The following TRPV6 variants were observed in gnomAD, a reference collection of about 807,000 sequenced individuals.
The protein encoded by TRPV6 is transient receptor potential cation channel subfamily V member 6, also known as Alu-binding protein with zinc finger domain.
In TRPV6, 39 loss-of-function variants were observed where a neutral mutation model predicts 79.0. The ratio of observed to expected loss-of-function variants is 0.49; its 90% CI spans 0.38 to 0.64. The LOEUF (loss-of-function observed/expected upper bound fraction) is 0.64. Ranked by LOEUF, TRPV6 falls within the 30% of genes least tolerant of loss-of-function variation. TRPV6 has a pLI of 0.00. For missense variants in TRPV6, 813 were observed against 1,011.1 expected, an observed-to-expected ratio of 0.80 and a Z score of 2.66; for synonymous variants, 373 against 391.9, an observed-to-expected ratio of 0.95 and a Z score of 0.57.
chr7:142,879,587 T>C (rs1795152874), intron 1 of TRPV6: 1 of 152,112 alleles, frequency 6.6e-6, no homozygotes, highest in Admixed American at 6.5e-5. Flanking sequence ...GAGCTGGAGG[T>C]GGGAGGGCAA....
At chr7:142,881,092 A>T (rs2116530093) in intron 1 of TRPV6, 1 of 152,290 alleles carries the variant, frequency 6.6e-6, no homozygotes, top group Admixed American at 6.5e-5. Flanking sequence ...ATATGCCCAC[A>T]AGGGGACAGC....
Position 142,876,705 on chromosome 7 carries a change from GCATCCCAGCTCCCCTCCC to G in TRPV6, c.706+16_706+33del. On this transcript the variant is annotated intron_variant, in intron 5 of 14. Transcript: ENST00000359396. The stretch of plus-strand genomic sequence containing the variant: ...CTCACCCTGTCCCTCACTCCCTGCA[GCATCCCAGCTCCCCTCCC>G]CATCTCAGCTCTTACCCAGGGAGTC... 6.2e-7 allele frequency: 1 copy of G among 1,613,750 alleles called. No homozygotes were observed. The highest frequency in any genetic ancestry group is 8.5e-7 in the Non-Finnish European group (1 of 1,179,896).
At chr7:142,877,891 G>C (rs776364120) in intron 2 of TRPV6, 38 bp downstream of exon 2, 2 of 1,613,134 alleles carry the variant, frequency 1.2e-6, no homozygotes, top group South Asian at 2.2e-5. Flanking sequence ...CATGTGTGGG[G>C]CTCACCTAGG....
At position 142,875,507 on chromosome 7, in the gene TRPV6, G is replaced by A. The variant is rs747881356; in HGVS notation, c.1203C>T (p.Ser401=). The A allele has an allele frequency of 1.6e-5, 25 of 1,604,190 alleles. No individual in the cohort carries two copies. The highest frequency in any genetic ancestry group is 2.2e-5 in the East Asian group (1 of 44,790). Residue 401 remains serine, a synonymous_variant, in exon 8 of 15, where the codon AGC becomes AGT. Coordinates refer to ENST00000359396, the MANE Select transcript of TRPV6 (RefSeq NM_018646.6). ...GCTGTAAGAGGGTGTTGTCCCGGGG[G>A]CTCGTGCGGTTATTGGTCCTGGGCT...
chr7:142,872,230 C>A, intron 14 of TRPV6, 142 bp downstream of exon 14: 1 of 1,000,252 alleles, frequency 1.0e-6, no homozygotes, highest in Non-Finnish European at 1.4e-6. Context: ...GGACCCCTTC[C>A]TCACCAGCTC....
At chr7:142,885,315 AGGTGAGGGAGG>A (rs1310335604) in intron 1 of TRPV6, 63 bp downstream of exon 1, 27 of 1,485,016 alleles carry the variant, frequency 1.8e-5, no homozygotes, top group Middle Eastern at 4.1e-4. Context: ...CAAAGACGGG[AGGTGAGGGAGG>A]GGTGAGGGGT....
In TRPV6 at chr7:142,871,511, T is replaced by C; in HGVS notation, c.*196A>G. ...TGCCAGCCCCGTGCTTGGGCTGGGC[T>C]TCCTCTGCCCCAGAGCTGAAGGAGT... On this transcript the variant is annotated 3_prime_UTR_variant, in exon 15 of 15. Coordinates refer to ENST00000359396, the MANE Select transcript of TRPV6 (RefSeq NM_018646.6). 1.5e-6 allele frequency: 1 copy of C among 681,080 alleles called. No individual in the cohort carries two copies. The highest frequency in any genetic ancestry group is 2.1e-5 in the South Asian group (1 of 47,056). 42.2% of individuals were successfully genotyped at this position (681,080 alleles called of 1,614,324 possible). A position where few individuals can be genotyped will look rare whatever the true frequency, so the allele number is the denominator to read the frequency against.
Position 142,875,542 on chromosome 7 carries a change from G to A in TRPV6, c.1168C>T (p.Arg390Cys), listed in dbSNP as rs1466949494. The change falls in exon 8 of 15, where the codon CGC becomes TGC. Residue 390 changes from arginine (R) to cysteine (C), a missense_variant. Coordinates refer to ENST00000359396, the MANE Select transcript of TRPV6 (RefSeq NM_018646.6). ...TTATTGGTCCTGGGCTTGAGGGGGC[G>A]GTAGATGCAGCACATGGTGAAGCAG... 3 of 1,612,426 alleles carry A rather than the reference G, an allele frequency of 1.9e-6. No individual in the cohort carries two copies. Among genetic ancestry groups the A allele is most frequent in the East Asian group, 2.2e-5 (1 of 44,860 alleles).
In TRPV6 at chr7:142,871,744, C is replaced by G. The variant is rs1267284982; in HGVS notation, c.2261G>C (p.Gly754Ala). The G allele has an allele frequency of 5.0e-6, 8 of 1,612,806 alleles. No individual in the cohort carries two copies. The Admixed American group carries it at 1.3e-4, about 27-fold the overall frequency. The stretch of plus-strand genomic sequence containing the variant: ...TTCCCAGCTCTCCCCGTCCTCCAGA[C>G]CCCTGTTGATTATCCCACGCAGGTC... The change falls in exon 15 of 15, where the codon GGT becomes GCT. Residue 754 changes from glycine to alanine, a missense_variant. Transcript: ENST00000359396.
chr7:142,872,262 G>T, intron 14 of TRPV6, 110 bp downstream of exon 14: 4 of 1,174,396 alleles, frequency 3.4e-6, no homozygotes, highest in African/African-American at 1.5e-5. Context: ...ATAGAGCCTA[G>T]GGAGCACACA....
chr7:142,875,535 AG>A lies in TRPV6; in HGVS notation c.1174del (p.Leu392SerfsTer27). On this transcript the variant is annotated frameshift_variant, in exon 8 of 15. Coordinates refer to ENST00000359396, the MANE Select transcript of TRPV6 (RefSeq NM_018646.6). LOFTEE classifies it high-confidence loss of function. ...CGTGCGGTTATTGGTCCTGGGCTTG[AG>A]GGGGCGGTAGATGCAGCACATGGTG... The A allele has an allele frequency of 1.9e-6, 3 of 1,611,842 alleles. No individual in the cohort carries two copies. The highest frequency in any genetic ancestry group is 2.5e-6 in the Non-Finnish European group (3 of 1,179,626).
rs977191889 is a variant in TRPV6 at position 142,874,104 on chromosome 7, C to T, written c.1611G>A (p.Met537Ile). ...AAGCAAAGCCCAGGATGACCACAGC[C>T]ATCAGCCAGCAGAATCGCATCAGGT... The change falls in exon 12 of 15, where the codon ATG becomes ATA. Residue 537 changes from methionine (M) to isoleucine (I), a missense_variant. By Grantham distance (10) the Met-to-Ile change is conservative. Coordinates refer to ENST00000359396, the MANE Select transcript of TRPV6 (RefSeq NM_018646.6). The T allele has an allele frequency of 3.1e-6, 5 of 1,613,820 alleles. No homozygotes were observed. Among genetic ancestry groups the T allele is most frequent in the Admixed American group, 1.7e-5 (1 of 59,964 alleles).
chr7:142,877,912 G>A lies in TRPV6; in HGVS notation c.346+17C>T, dbSNP rs1795112122. 1 of 1,613,722 alleles carries A rather than the reference G, an allele frequency of 6.2e-7. No homozygotes were observed. The highest frequency in any genetic ancestry group is 1.3e-5 in the African/African-American group (1 of 74,930). ...TGGGGCTCACCTAGGAGATCATGCT[G>A]CATTTGTGCTTCTTACCTCTCTGGT... On this transcript the variant is annotated intron_variant, in intron 2 of 14. Transcript: ENST00000359396.
At position 142,885,428 on chromosome 7, in the gene TRPV6, G is replaced by A. The variant is rs1554525536; in HGVS notation, c.209C>T (p.Ala70Val). 5 of 1,613,852 alleles carry A rather than the reference G, an allele frequency of 3.1e-6. No homozygotes were observed. In the South Asian group the frequency reaches 4.4e-5, roughly 14 times the overall value. ...CAGGTTCTGCTCATCTCGGCTCTGG[G>A]CCCAGGACTCCCGTCTCTGGAACCA... The change falls in exon 1 of 15, where the codon GCC (alanine) becomes GTC (valine). Residue 70 changes from alanine (A) to valine (V), a missense_variant. Physicochemically the swap from Ala to Val is moderately conservative, Grantham distance 64 (BLOSUM62 0). This residue lies in a region of TRPV6 where 555 missense variants were observed against 631.0 expected (regional missense o/e 0.88). Transcript: ENST00000359396.
Position 142,885,464 on chromosome 7 carries a change from T to A in TRPV6, c.173A>T (p.Lys58Met). 6.2e-7 allele frequency: 1 copy of A among 1,613,940 alleles called. No homozygotes were observed. The highest frequency in any genetic ancestry group is 8.5e-7 in the Non-Finnish European group (1 of 1,179,908). Residue 58 changes from lysine (K) to methionine (M), a missense_variant, in exon 1 of 15, where the codon AAG (lysine) becomes ATG (methionine). By Grantham distance (95) the Lys-to-Met change is moderately conservative. Around this residue, in one of 3 missense-constraint regions of TRPV6, gnomAD observed 555 missense variants for 631.0 expected, o/e 0.88. Transcript: ENST00000359396. The stretch of plus-strand genomic sequence containing the variant: ...CCGTCTCTGGAACCATCTGCAGAAC[T>A]TGCTCCATAGGCAGAGAATTAGCCC...
At chr7:142,878,279 C>T (rs763615068) in intron 1 of TRPV6, 3 of 555,324 alleles carry the variant, frequency 5.4e-6, no homozygotes, top group African/African-American at 1.9e-5. Flanking sequence ...CCTACCGGGT[C>T]CTGGGACCAG....
intron 1 of TRPV6, chr7:142,878,915 G>T (rs1795138515): frequency 6.6e-6 from 1 of 152,230 alleles, no homozygotes; most frequent in South Asian, 2.1e-4. Context: ...TATGAAAGTT[G>T]GAGAAGCATT....
Position 142,875,588 on chromosome 7 carries a change from GGCACCCA to G in TRPV6, c.1115_1121del (p.Leu372ProfsTer45). 4 of 1,613,682 alleles carry G rather than the reference GGCACCCA, an allele frequency of 2.5e-6. No homozygotes were observed. In the South Asian group the frequency reaches 3.3e-5, roughly 13 times the overall value. On this transcript the variant is annotated frameshift_variant, in exon 8 of 15. Transcript: ENST00000359396. LOFTEE classifies it high-confidence loss of function. ...AGCAGATGATGTACAGCAGATATAT[GGCACCCA>G]GCATGCAGAAGTACGGCCGCCCGTA...
Position 142,874,146 on chromosome 7 carries a change from G to A in TRPV6, c.1573-4C>T, listed in dbSNP as rs201155498. On this transcript the variant is annotated splice_polypyrimidine_tract_variant and splice_region_variant and intron_variant, in intron 11 of 14. Coordinates refer to ENST00000359396, the MANE Select transcript of TRPV6 (RefSeq NM_018646.6). ...GCATCAGGTCGCCAAAAATCATCTA[G>A]AAGGAGCAGGAGGCAGAGAACATCT... The A allele has an allele frequency of 1.2e-4, 190 of 1,613,258 alleles. 2 individuals are homozygous for A. In the African/African-American group the frequency reaches 2.3e-3, roughly 19 times the overall value.
Sources: allele counts gnomAD v4.1 joint callset, GRCh38; gene constraint gnomAD v4.1.1; regional missense constraint gnomAD v4.1.1; transcripts MANE v1.5; gene names NCBI Gene and HGNC (gene_info 2026-07-23, HGNC 2026-07-21).